Variants in FNIP1 observed in about 807,000 individuals in gnomAD.
The protein encoded by FNIP1 is folliculin interacting protein 1.
FNIP1 carries 40 observed loss-of-function variants against 124.5 expected under a neutral mutation model. The observed-to-expected ratio is 0.32, with a 90% CI of 0.25 to 0.42. The LOEUF is 0.42. FNIP1 is among the 10% of genes least tolerant of loss of function. The pLI is 1.00. For missense variants in FNIP1, 1,176 were observed against 1,403.7 expected (o/e 0.84, Z 2.59); for synonymous variants, 472 against 470.6 (o/e 1.00, Z -0.04).
At chr5:131,676,015 C>G (rs1767900638) in intron 13 of FNIP1, among the ~76,000 whole-genome samples, 1 of 151,584 alleles carries the variant, frequency 6.6e-6, no homozygotes, top group African/African-American at 2.4e-5. Context: ...CCTGCCACCA[C>G]GCCCAGCTAA....
intron 13 of FNIP1, 34 bp downstream of exon 13, chr5:131,677,669 T>C (rs1163007405): frequency 1.3e-6 from 2 of 1,569,818 alleles, no homozygotes. Flanking sequence ...CAAAAAAGTC[T>C]AATACATAGT....
At chr5:131,744,984 T>C (rs1046497564) in intron 1 of FNIP1, among the ~76,000 whole-genome samples, 1 of 151,844 alleles carries the variant, frequency 6.6e-6, no homozygotes, top group East Asian at 1.9e-4. Flanking sequence ...TACATAAGTA[T>C]ATTTAACATA....
chr5:131,659,226 CTG>C (rs1361051098), intron 15 of FNIP1, among the ~76,000 whole-genome samples: 1 of 152,210 alleles, frequency 6.6e-6, no homozygotes, highest in African/African-American at 2.4e-5. Flanking sequence ...CCAAACAACA[CTG>C]TGTTGGTGTA....
At chr5:131,795,083 GT>G (rs1195837311) in intron 1 of FNIP1, among the ~76,000 whole-genome samples, 3 of 151,940 alleles carry the variant, frequency 2.0e-5, no homozygotes, top group Non-Finnish European at 2.9e-5. Flanking sequence ...AACCAGAATG[GT>G]TTTTTTTCCT....
rs1247375316 is a variant in FNIP1, at chr5:131,709,217, A to G, written c.762T>C (p.Ser254=). ...TGACATTACCAGACCGTGCTATGCC[A>G]CTGTCTCTGTCCTCATTGAGCTCTC... ...PGRELNEDRD[S]GIARSASLSS... Residue 254 remains serine, a synonymous_variant, in exon 8 of 18, where the codon AGT becomes AGC. Coordinates refer to ENST00000510461, the MANE Select transcript of FNIP1 (RefSeq NM_133372.3). 4 of 1,613,942 alleles carry G rather than the reference A, an allele frequency of 2.5e-6. No individual in the cohort carries two copies. Among genetic ancestry groups the G allele is most frequent in the Non-Finnish European group, 3.4e-6 (4 of 1,179,924 alleles).
chr5:131,780,488 TA>T (rs1209680447), intron 1 of FNIP1, among the ~76,000 whole-genome samples: 11 of 152,290 alleles, frequency 7.2e-5, no homozygotes, highest in East Asian at 5.8e-4. Flanking sequence ...TTTTTATTTT[TA>T]TTTTTTTTAC....
intron 6 of FNIP1, among the ~76,000 whole-genome samples, chr5:131,712,647 T>A (rs1769334474): frequency 6.6e-6 from 1 of 152,076 alleles, no homozygotes. Flanking sequence ...TGAAAGGGGG[T>A]ATTAGTGTAA....
At position 131,671,654 on chromosome 5, in the gene FNIP1, T is replaced by C; in HGVS notation, c.2790A>G (p.Glu930=). 1.2e-6 allele frequency: 2 copies of C among 1,614,202 alleles called. No homozygotes were observed. The highest frequency in any genetic ancestry group is 1.7e-6 in the Non-Finnish European group (2 of 1,180,030). The change falls in exon 14 of 18, where the codon GAA becomes GAG. Residue 930 remains glutamate (E), a synonymous_variant. Transcript: ENST00000510461. ...SSDKKIAVGT[E]WDIPRNESSD... is the part of the protein sequence containing the mutation. ...AACTTTCATTTCTTGGAATGTCCCATTCAGTTCCTACAGCAATTTTTTTAT... is the reference window on the plus strand; with the variant it reads ...AACTTTCATTTCTTGGAATGTCCCACTCAGTTCCTACAGCAATTTTTTTAT...
In FNIP1 at chr5:131,704,081, T is replaced by C; in HGVS notation, c.1100A>G (p.Lys367Arg). ...TATGCTTACCTGTTCTATTGCACTC[T>C]TTAATTTGTTCATGTGGCTTTCAAA... The part of the protein sequence containing the change: ...PLFESHMNKL[K>R]SAIEQAMKMS... Residue 367 changes from lysine (K) to arginine (R), a missense_variant, in exon 10 of 18, where the codon AAG becomes AGG. Coordinates refer to ENST00000510461, the MANE Select transcript of FNIP1 (RefSeq NM_133372.3). 1.2e-6 allele frequency: 2 copies of C among 1,610,372 alleles called. No individual in the cohort carries two copies. The highest frequency in any genetic ancestry group is 1.7e-6 in the Non-Finnish European group (2 of 1,177,140).
At chr5:131,775,389 T>C (rs1771766299) in intron 1 of FNIP1, among the ~76,000 whole-genome samples, 2 of 151,630 alleles carry the variant, frequency 1.3e-5, no homozygotes, top group Non-Finnish European at 1.5e-5. Flanking sequence ...AAAAGTAAAA[T>C]CCCAAAGCAT....
rs555689677 is a variant in FNIP1, at chr5:131,727,505, C to CT, written c.354+3398dup. 9.5e-4 allele frequency among the ~76,000 whole-genome samples: 145 copies of CT among 151,938 alleles called. 1 individual carries two copies. The highest frequency in any genetic ancestry group is 3.1e-3 in the African/African-American group (130 of 41,450). ...TCAAAGACTAGGATTGCTACCCCTGCTTTTTTTTGCTTTCCATTTGCTTGG... is the reference window on the plus strand; with the variant it reads ...TCAAAGACTAGGATTGCTACCCCTGCTTTTTTTTTGCTTTCCATTTGCTTGG... On this transcript the variant is annotated intron_variant, in intron 3 of 17. Coordinates refer to ENST00000510461, the MANE Select transcript of FNIP1 (RefSeq NM_133372.3).
At chr5:131,772,853 T>C (rs1479647928) in intron 1 of FNIP1, among the ~76,000 whole-genome samples, 1 of 152,196 alleles carries the variant, frequency 6.6e-6, no homozygotes, top group Non-Finnish European at 1.5e-5. Flanking sequence ...TCCCACTCTG[T>C]CCCATTTTTC....
At position 131,719,392 on chromosome 5, in the gene FNIP1, T is replaced by C. The variant is rs150752291; in HGVS notation, c.380A>G (p.Asn127Ser). Residue 127 changes from asparagine (N) to serine (S), a missense_variant, in exon 4 of 18, where the codon AAT (asparagine) becomes AGT (serine). This residue lies in a region of FNIP1 where 1,109 missense variants were observed against 1,288.5 expected (regional missense o/e 0.86). Transcript: ENST00000510461. Reference sequence around the variant, plus strand: ...GCCAAACATCATCTCTCCAAGCATATTGGCATCAGAAGAGCACCGAGAACC... The same window carrying C: ...GCCAAACATCATCTCTCCAAGCATACTGGCATCAGAAGAGCACCGAGAACC... ...YQGSRCSSDA[N>S]MLGEMMFGSV... 2.3e-5 allele frequency: 37 copies of C among 1,613,360 alleles called. No homozygotes were observed. The highest frequency in any genetic ancestry group is 5.0e-5 in the Admixed American group (3 of 59,810).
chr5:131,735,037 T>C (rs1041874194), intron 2 of FNIP1, among the ~76,000 whole-genome samples: 1 of 152,130 alleles, frequency 6.6e-6, no homozygotes, highest in Non-Finnish European at 1.5e-5. Flanking sequence ...CTACTCACAA[T>C]AGCAAAGACT....
At chr5:131,741,879 A>C (rs891733378) in intron 2 of FNIP1, among the ~76,000 whole-genome samples, 9 of 152,218 alleles carry the variant, frequency 5.9e-5, no homozygotes, top group African/African-American at 2.2e-4. Flanking sequence ...CCTACTTGGC[A>C]ATTTTCAAAT....
At chr5:131,750,682 G>A (rs1477614607) in intron 1 of FNIP1, among the ~76,000 whole-genome samples, 1 of 150,520 alleles carries the variant, frequency 6.6e-6, no homozygotes, top group Non-Finnish European at 1.5e-5. Flanking sequence ...GCATGATCTC[G>A]GCTCACTGCA....
chr5:131,796,714 T>C lies in FNIP1; in HGVS notation c.92+116A>G, dbSNP rs928973395. ...CGGCTCCACCCCACCGAGGACCAGATGCTGCTCTCGGCGCGGCGCTTCCGC... is the reference window on the plus strand; with the variant it reads ...CGGCTCCACCCCACCGAGGACCAGACGCTGCTCTCGGCGCGGCGCTTCCGC... On this transcript the variant is annotated intron_variant, in intron 1 of 17. Transcript: ENST00000510461. 7 of 950,110 alleles carry C rather than the reference T, an allele frequency of 7.4e-6. No homozygotes were observed. In the Admixed American group the frequency reaches 1.0e-4, roughly 14 times the overall value. 58.9% of individuals were successfully genotyped at this position (950,110 alleles called of 1,614,324 possible).
At chr5:131,677,551 A>G in intron 13 of FNIP1, 152 bp downstream of exon 13, 1 of 669,982 alleles carries the variant, frequency 1.5e-6, no homozygotes, top group Non-Finnish European at 2.4e-6. Flanking sequence ...AGGATAAGAC[A>G]AATTGGCAGA....
chr5:131,796,726 C>A (rs1772616774), intron 1 of FNIP1, 104 bp downstream of exon 1: 7 of 1,080,132 alleles, frequency 6.5e-6, no homozygotes, highest in Non-Finnish European at 7.9e-6. Context: ...CTGCTCTCGG[C>A]GCGGCGCTTC....
Sources: allele counts gnomAD v4.1 joint callset (sites outside exome capture counted in the v4.1 genomes callset), GRCh38; gene constraint gnomAD v4.1.1; regional missense constraint gnomAD v4.1.1; transcripts MANE v1.5; gene names NCBI Gene and HGNC (gene_info 2026-07-23, HGNC 2026-07-21).